Variants in EXOC2 observed in about 807,000 individuals in gnomAD.
EXOC2 encodes SEC5-like 1.
In EXOC2, 70 loss-of-function variants were observed where a neutral mutation model predicts 131.8. The ratio of observed to expected loss-of-function variants is 0.53; its 90% confidence interval spans 0.44 to 0.65. The LOEUF (loss-of-function observed/expected upper bound fraction) is 0.65. Among genes scored for constraint, EXOC2 ranks in the 30% least tolerant of loss-of-function variants. The pLI, the probability that EXOC2 is intolerant of heterozygous loss-of-function variation, is 0.00. For missense variants in EXOC2, 923 were observed against 1,108.6 expected (o/e 0.83, Z 2.38); for synonymous variants, 411 against 398.4 (o/e 1.03, Z -0.38).
rs959518839 is a variant in EXOC2, at chr6:512,668, G to A, written c.2381-12968C>T. On this transcript the variant is annotated intron_variant, in intron 23 of 27. Coordinates refer to ENST00000230449, the MANE Select transcript of EXOC2 (RefSeq NM_018303.6). ...ACATGAAGATATACAAAACGACACCGTATTGTTAGCCCCGTGGTCTGACCC... is the reference window on the plus strand; with the variant it reads ...ACATGAAGATATACAAAACGACACCATATTGTTAGCCCCGTGGTCTGACCC... Among the ~76,000 whole-genome samples the A allele has an allele frequency of 7.2e-5, 11 of 152,268 alleles. No individual in the cohort carries two copies. The South Asian group carries it at 2.1e-3, about 29-fold the overall frequency.
chr6:656,884 C>G lies in EXOC2; in HGVS notation c.-43-19023G>C, dbSNP rs140630904. On this transcript the variant is annotated intron_variant, in intron 1 of 27. Coordinates refer to ENST00000230449, the MANE Select transcript of EXOC2 (RefSeq NM_018303.6). ...ACCTTCGCTAGCCTCGCGACGGTGC[C>G]GCTGACGTGAATGAACAGCTCTAGA... 3.6e-5 allele frequency: 57 copies of G among 1,600,398 alleles called. 1 individual carries two copies. In the Middle Eastern group the frequency reaches 6.7e-4, roughly 19 times the overall value.
chr6:555,908 C>T, intron 19 of EXOC2, 46 bp downstream of exon 19: 2 of 1,571,926 alleles, frequency 1.3e-6, no homozygotes, highest in Non-Finnish European at 1.7e-6. Context: ...TTGACTGACA[C>T]TTAGTATTAT....
intron 1 of EXOC2, among the ~76,000 whole-genome samples, chr6:684,210 G>C (rs749925702): frequency 1.2e-4 from 18 of 152,250 alleles, no homozygotes; most frequent in Non-Finnish European, 2.5e-4. Flanking sequence ...GCAGGAAGAG[G>C]GGGAGGGGAG....
chr6:676,945 A>AAAGGACAGGTTCCTCGGG lies in EXOC2; in HGVS notation c.-44+16073_-44+16074insCCCGAGGAACCTGTCCTT, dbSNP rs1764166216. 2.2e-4 allele frequency among the ~76,000 whole-genome samples: 6 copies of AAAGGACAGGTTCCTCGGG among 27,824 alleles called. 3 individuals are homozygous for AAAGGACAGGTTCCTCGGG. Among genetic ancestry groups the AAAGGACAGGTTCCTCGGG allele is most frequent in the Non-Finnish European group, 4.9e-4 (6 of 12,220 alleles). The allele number at this position is 27,824 out of a possible 152,430, so 18.3% of individuals were successfully genotyped here. A position where few individuals can be genotyped will look rare whatever the true frequency, so the allele number is the denominator to read the frequency against. Reference sequence around the variant, plus strand: ...ATTACAGAAAGGACAGGTTCCTCTGAAGACTCTGCGGTTCCCCATACTCTT... The same window carrying AAAGGACAGGTTCCTCGGG: ...ATTACAGAAAGGACAGGTTCCTCTGAAAGGACAGGTTCCTCGGGAGACTCTGCGGTTCCCCATACTCTT... On this transcript the variant is annotated intron_variant, in intron 1 of 27. Transcript: ENST00000230449.
chr6:543,656 T>C (rs1298957645), intron 22 of EXOC2, among the ~76,000 whole-genome samples: 1 of 152,220 alleles, frequency 6.6e-6, no homozygotes, highest in Non-Finnish European at 1.5e-5. Context: ...GAACATCACA[T>C]TGTGCACCAT....
intron 25 of EXOC2, among the ~76,000 whole-genome samples, chr6:495,876 G>C (rs7775520): frequency 0.087 from 13,189 of 152,010 alleles, 1,864 homozygotes; most frequent in African/African-American, 0.3. Flanking sequence ...TGTCCCACGG[G>C]TCGAGAGCTC....
intron 23 of EXOC2, among the ~76,000 whole-genome samples, chr6:530,724 C>CT (rs1264485424): frequency 1.3e-5 from 2 of 152,218 alleles, no homozygotes; most frequent in Non-Finnish European, 2.9e-5. Context: ...GGGAGTACTG[C>CT]TGGCCCTCTG....
Position 676,128 on chromosome 6 carries a change from GAGACTCTGAGGTTCCC to G in EXOC2, c.-44+16875_-44+16890del, listed in dbSNP as rs1764115587. On this transcript the variant is annotated intron_variant, in intron 1 of 27. Transcript: ENST00000230449. ...ATTACGGAAAGGACAGGTTCCTCTGGAGACTCTGAGGTTCCCCATACTCTTCAACATTACGGAAAGG... is the reference window on the plus strand; with the variant it reads ...ATTACGGAAAGGACAGGTTCCTCTGGCATACTCTTCAACATTACGGAAAGG... Among the ~76,000 whole-genome samples the G allele has an allele frequency of 2.6e-5, 2 of 77,924 alleles. 1 individual carries two copies. Among genetic ancestry groups the G allele is most frequent in the Non-Finnish European group, 5.4e-5 (2 of 36,830 alleles). 51.1% of individuals were successfully genotyped at this position (77,924 alleles called of 152,430 possible).
chr6:588,109 A>G (rs1759319540), intron 11 of EXOC2, among the ~76,000 whole-genome samples: 1 of 152,190 alleles, frequency 6.6e-6, no homozygotes, highest in Admixed American at 6.5e-5. Flanking sequence ...GGGATTTTCC[A>G]AAATTTAATA....
At chr6:605,212 G>A (rs1760334739) in intron 7 of EXOC2, among the ~76,000 whole-genome samples, 1 of 152,208 alleles carries the variant, frequency 6.6e-6, no homozygotes, top group Non-Finnish European at 1.5e-5. Context: ...ACAGTGTGCA[G>A]GGCTATGACA....
At chr6:537,201 C>CT (rs1561829992) in intron 22 of EXOC2, among the ~76,000 whole-genome samples, 8 of 151,108 alleles carry the variant, frequency 5.3e-5, no homozygotes, top group African/African-American at 1.5e-4. Flanking sequence ...AGCGTACACT[C>CT]GAGATGACGA....
At chr6:579,930 CTT>C (rs1207290429) in intron 11 of EXOC2, among the ~76,000 whole-genome samples, 1 of 152,040 alleles carries the variant, frequency 6.6e-6, no homozygotes, top group African/African-American at 2.4e-5. Context: ...CAGCAAAAGT[CTT>C]TAAATATTTC....
intron 21 of EXOC2, among the ~76,000 whole-genome samples, chr6:551,351 T>C (rs1483305330): frequency 6.6e-6 from 1 of 152,096 alleles, no homozygotes; most frequent in African/African-American, 2.4e-5. Context: ...CCTAAGAAGA[T>C]CGCACCAAAT....
Position 486,732 on chromosome 6 carries a change from C to T in EXOC2, c.2714G>A (p.Ser905Asn). 1 of 1,614,164 alleles carries T rather than the reference C, an allele frequency of 6.2e-7. No individual in the cohort carries two copies. The highest frequency in any genetic ancestry group is 1.1e-5 in the South Asian group (1 of 91,088). Reference protein sequence around the residue: ...LLEELLNKFKSSMHLQLTCFQ... With the variant: ...LLEELLNKFKNSMHLQLTCFQ... ...ACAGGTGAGCTGCAAGTGCATGCTA[C>T]TCTTGAACTTGTTCAGGAGCTCTTC... The change falls in exon 28 of 28, where the codon AGT becomes AAT. Residue 905 changes from serine to asparagine, a missense_variant. By Grantham distance (46) the Ser-to-Asn change is conservative. Transcript: ENST00000230449.
intron 23 of EXOC2, among the ~76,000 whole-genome samples, chr6:520,852 A>G (rs1765386476): frequency 7.0e-6 from 1 of 141,980 alleles, no homozygotes; most frequent in Non-Finnish European, 1.5e-5. Flanking sequence ...ATCACCGTCC[A>G]CACTCGTAGA....
At chr6:618,416 T>C (rs1761120606) in intron 5 of EXOC2, among the ~76,000 whole-genome samples, 1 of 152,242 alleles carries the variant, frequency 6.6e-6, no homozygotes, top group Non-Finnish European at 1.5e-5. Context: ...AAGACAGGCC[T>C]CTGTATTTCA....
chr6:657,078 T>C, intron 1 of EXOC2: 2 of 740,928 alleles, frequency 2.7e-6, no homozygotes, highest in South Asian at 5.3e-5. Context: ...GCACTCGGGT[T>C]CCCGGTTGCG....
intron 23 of EXOC2, among the ~76,000 whole-genome samples, chr6:513,041 C>T (rs749121504): frequency 1.3e-5 from 2 of 152,218 alleles, no homozygotes; most frequent in African/African-American, 2.4e-5. Context: ...AATAGGCCGA[C>T]TCTGCGACTC....
intron 20 of EXOC2, 53 bp downstream of exon 20, chr6:555,174 G>C (rs1490113558): frequency 1.1e-5 from 12 of 1,079,198 alleles, no homozygotes; most frequent in Non-Finnish European, 1.5e-5. Context: ...ACTTGAGCCT[G>C]TATTTTTAAT....
Sources: allele counts gnomAD v4.1 joint callset (sites outside exome capture counted in the v4.1 genomes callset), GRCh38; gene constraint gnomAD v4.1.1; transcripts MANE v1.5; gene names NCBI Gene and HGNC (gene_info 2026-07-23, HGNC 2026-07-21).